The following FBXL17 variants were observed in gnomAD, a reference collection of about 807,000 sequenced individuals.
The protein encoded by FBXL17 is F-box and leucine rich repeat protein 17.
In FBXL17, 22 loss-of-function variants were observed where a neutral mutation model predicts 66.2. The observed-to-expected ratio is 0.33, with a 90% confidence interval of 0.24 to 0.47. The LOEUF is 0.47. Ranked by LOEUF, FBXL17 falls within the 20% of genes least tolerant of loss-of-function variation. The pLI is 1.00. For synonymous variants in FBXL17, 474 were observed against 400.5 expected (o/e 1.18, Z -2.19); for missense variants, 878 against 948.2 (o/e 0.93, Z 0.97).
intron 7 of FBXL17, among the ~76,000 whole-genome samples, chr5:107,991,756 T>C (rs1408285211): frequency 6.6e-6 from 1 of 152,202 alleles, no homozygotes; most frequent in African/African-American, 2.4e-5. Flanking sequence ...GGTATTTAAA[T>C]ACTGCTTATG....
intron 7 of FBXL17, among the ~76,000 whole-genome samples, chr5:107,987,005 C>T (rs925404347): frequency 3.3e-5 from 5 of 151,544 alleles, no homozygotes; most frequent in Non-Finnish European, 5.9e-5. Flanking sequence ...ACTGAAAACA[C>T]GAATAAACTC....
intron 7 of FBXL17, among the ~76,000 whole-genome samples, chr5:107,920,304 C>T (rs769689433): frequency 3.9e-5 from 6 of 152,116 alleles, no homozygotes; most frequent in Non-Finnish European, 1.5e-5. Flanking sequence ...TCCCGGGTTC[C>T]AGCAATTCTC....
chr5:108,299,297 G>C (rs1758481956), intron 4 of FBXL17: 3 of 984,664 alleles, frequency 3.0e-6, no homozygotes, highest in Non-Finnish European at 3.6e-6. Flanking sequence ...AATTAAACCT[G>C]AGGTTCTCAC....
At chr5:108,231,788 G>A (rs1042345944) in intron 4 of FBXL17, among the ~76,000 whole-genome samples, 5 of 152,168 alleles carry the variant, frequency 3.3e-5, no homozygotes, top group South Asian at 2.1e-4. Flanking sequence ...CCATAAAAGA[G>A]ATAGGAACAC....
At chr5:107,967,630 T>C (rs961502550) in intron 7 of FBXL17, among the ~76,000 whole-genome samples, 7 of 151,536 alleles carry the variant, frequency 4.6e-5, no homozygotes, top group African/African-American at 7.3e-5. Context: ...TGTATACATA[T>C]GTAACAAACC....
chr5:108,228,662 G>A (rs933769022), intron 4 of FBXL17, among the ~76,000 whole-genome samples: 1 of 152,064 alleles, frequency 6.6e-6, no homozygotes, highest in Non-Finnish European at 1.5e-5. Context: ...TCTGTATTCC[G>A]ATTCTTAGCC....
chr5:107,869,394 A>G (rs1345297022), intron 8 of FBXL17, among the ~76,000 whole-genome samples: 1 of 152,222 alleles, frequency 6.6e-6, no homozygotes, highest in African/African-American at 2.4e-5. Context: ...GCTGGTACCC[A>G]CAGACTCTAA....
chr5:108,296,703 T>G (rs1758362616), intron 4 of FBXL17, among the ~76,000 whole-genome samples: 1 of 151,758 alleles, frequency 6.6e-6, no homozygotes, highest in Non-Finnish European at 1.5e-5. Context: ...TTCATATTTA[T>G]TTTTTTGCTT....
chr5:108,041,477 C>T (rs528591512), intron 6 of FBXL17, among the ~76,000 whole-genome samples: 19 of 152,216 alleles, frequency 1.2e-4, no homozygotes, highest in Admixed American at 4.6e-4. Context: ...AGAGCAGTGG[C>T]GCAATCATAG....
chr5:108,202,557 G>C (rs181368581), intron 5 of FBXL17, among the ~76,000 whole-genome samples: 9 of 152,078 alleles, frequency 5.9e-5, no homozygotes, highest in Admixed American at 5.9e-4. Context: ...AAGACTCCCA[G>C]GGGATGCCTG....
intron 6 of FBXL17, among the ~76,000 whole-genome samples, chr5:108,181,254 G>C (rs1311011183): frequency 6.6e-6 from 1 of 152,082 alleles, no homozygotes; most frequent in Non-Finnish European, 1.5e-5. Context: ...TAGAATCAGG[G>C]AGTGGATGAG....
chr5:108,146,286 T>A (rs1751557407), intron 6 of FBXL17, among the ~76,000 whole-genome samples: 1 of 151,680 alleles, frequency 6.6e-6, no homozygotes, highest in South Asian at 2.1e-4. Flanking sequence ...GAATGTATAT[T>A]AATTTTCACC....
chr5:108,146,765 C>T (rs1027499068), intron 6 of FBXL17, among the ~76,000 whole-genome samples: 1 of 152,094 alleles, frequency 6.6e-6, no homozygotes, highest in African/African-American at 2.4e-5. Context: ...GGGGTGGGGA[C>T]ACTCAAATCA....
chr5:107,988,073 G>A (rs1753091143), intron 7 of FBXL17, among the ~76,000 whole-genome samples: 1 of 151,804 alleles, frequency 6.6e-6, no homozygotes, highest in South Asian at 2.1e-4. Flanking sequence ...TTAAAAACAA[G>A]AATGTCATCA....
chr5:107,895,382 T>C (rs896217506), intron 7 of FBXL17, among the ~76,000 whole-genome samples: 6 of 152,138 alleles, frequency 3.9e-5, no homozygotes, highest in African/African-American at 1.4e-4. Context: ...CAAAGAAGCC[T>C]AAGTCCAACA....
chr5:108,118,235 T>A (rs1750340744), intron 6 of FBXL17, among the ~76,000 whole-genome samples: 1 of 152,204 alleles, frequency 6.6e-6, no homozygotes, highest in Admixed American at 6.5e-5. Flanking sequence ...TCTCCAGTCC[T>A]GACTTCCATC....
intron 6 of FBXL17, among the ~76,000 whole-genome samples, chr5:108,028,793 G>A (rs1349555531): frequency 1.3e-5 from 2 of 152,072 alleles, no homozygotes; most frequent in Admixed American, 6.6e-5. Flanking sequence ...ACAAAACACA[G>A]GAGGTAAAGA....
At chr5:107,954,999 G>C (rs1751615417) in intron 7 of FBXL17, among the ~76,000 whole-genome samples, 1 of 152,046 alleles carries the variant, frequency 6.6e-6, no homozygotes, top group Non-Finnish European at 1.5e-5. Flanking sequence ...GTTAAGAATG[G>C]AATATGTAAA....
chr5:108,209,849 C>A lies in FBXL17; in HGVS notation c.1614+14272G>T, dbSNP rs146996885. ...TAAAATGAGTTAAGGAGGATTCCCT[C>A]TTTTTCTATTGTTTGGAATAGTTTC... On this transcript the variant is annotated intron_variant, in intron 5 of 8. Coordinates refer to ENST00000542267, the MANE Select transcript of FBXL17 (RefSeq NM_001163315.3). Among the ~76,000 whole-genome samples, 791 of 152,236 alleles carry A rather than the reference C, an allele frequency of 5.2e-3. 9 individuals carry two copies. Among genetic ancestry groups the A allele is most frequent in the African/African-American group, 0.018 (750 of 41,540 alleles).
Sources: gnomAD v4.1 joint callset for allele counts (sites outside exome capture counted in the v4.1 genomes callset) on GRCh38, gnomAD v4.1.1 for gene constraint, MANE v1.5 for transcripts, NCBI Gene and HGNC (gene_info 2026-07-23, HGNC 2026-07-21) for gene names.